IBA57: variants seen among roughly 807,000 people sequenced by gnomAD.
IBA57 encodes the protein iron-sulfur cluster assembly factor IBA57, mitochondrial.
A neutral mutation model predicts 20.4 loss-of-function variants in IBA57; 20 were observed. The observed-to-expected ratio is 0.98, with a 90% CI of 0.69 to 1.42. The LOEUF (loss-of-function observed/expected upper bound fraction) is 1.42, where lower values mean the gene tolerates loss of function less well. Among genes scored for constraint, IBA57 ranks in the 40% most tolerant of loss-of-function variants. The probability of loss-of-function intolerance (pLI) is 0.00; values close to 1 mark genes in which losing one functional copy is unlikely to be tolerated. For synonymous variants in IBA57, 310 were observed against 233.9 expected (o/e 1.33, Z -2.97); for missense variants, 608 against 499.3 (o/e 1.22, Z -2.07).
rs1416308622 is a variant in IBA57 at position 228,175,138 on chromosome 1, C to G, written c.696C>G (p.Val232=). 2 of 1,612,322 alleles carry G rather than the reference C, an allele frequency of 1.2e-6. No homozygotes were observed. Among genetic ancestry groups the G allele is most frequent in the African/African-American group, 2.7e-5 (2 of 74,874 alleles). The stretch of plus-strand genomic sequence containing the variant: ...TCCCTGCAGGCGTTCCTGAGGGGGT[C>G]CGAGACTTGCCTCCTGGGGTGGCCC... The part of the protein sequence containing the change: ...HRYLQGVPEG[V]RDLPPGVALP... The change falls in exon 3 of 3, where the codon GTC becomes GTG. Residue 232 remains valine (V), a synonymous_variant. Coordinates refer to ENST00000366711, the MANE Select transcript of IBA57 (RefSeq NM_001010867.4).
At position 228,166,118 on chromosome 1, in the gene IBA57, A is replaced by G; in HGVS notation, c.302A>G (p.Asn101Ser). The change falls in exon 1 of 3, where the codon AAC (asparagine) becomes AGC (serine). Residue 101 changes from asparagine to serine, a missense_variant. By Grantham distance (46) the Asn-to-Ser change is conservative. Transcript: ENST00000366711. ...AARAGYAHFL[N>S]VQGRTLYDVI... ...CGCGCGGGCTACGCCCACTTCCTGA[A>G]CGTGCAGGGCCGGACGCTCTATGAC... 6.5e-7 allele frequency: 1 copy of G among 1,538,856 alleles called. No individual in the cohort carries two copies. The highest frequency in any genetic ancestry group is 1.4e-5 in the African/African-American group (1 of 71,428).
Position 228,174,701 on chromosome 1 carries a change from A to T in IBA57, c.351A>T (p.Glu117Asp), listed in dbSNP as rs755922685. ...LYDVILYGLQ[E>D]HSEVSGFLLE... Reference sequence around the variant, plus strand: ...GCCTCTCTCCCTGCAGGCTCCAGGAACACTCGGAGGTGTCTGGCTTCCTTC... The same window carrying T: ...GCCTCTCTCCCTGCAGGCTCCAGGATCACTCGGAGGTGTCTGGCTTCCTTC... The change falls in exon 2 of 3, where the codon GAA becomes GAT. Residue 117 changes from glutamate to aspartate, a missense_variant. Glu to Asp is a conservative substitution (Grantham distance 45). Transcript: ENST00000366711. 4 of 1,563,986 alleles carry T rather than the reference A, an allele frequency of 2.6e-6. No individual in the cohort carries two copies. Among genetic ancestry groups the T allele is most frequent in the Admixed American group, 3.5e-5 (2 of 56,840 alleles).
intron 1 of IBA57, chr1:228,171,310 C>T (rs899639145): frequency 6.6e-5 from 10 of 152,166 alleles, no homozygotes; most frequent in East Asian, 1.9e-4. Flanking sequence ...CTCCCCAGGC[C>T]GGGGCTCTCC....
In IBA57 at chr1:228,175,815, C is replaced by T. The variant is rs946143372; in HGVS notation, c.*302C>T. On this transcript the variant is annotated 3_prime_UTR_variant, in exon 3 of 3. Transcript: ENST00000366711. ...CTCCACACAGGGTTGTCTGGGAGGACGGGACGGTGTCTCTGGCCAGCACTG... is the reference window on the plus strand; with the variant it reads ...CTCCACACAGGGTTGTCTGGGAGGATGGGACGGTGTCTCTGGCCAGCACTG... 9 of 291,444 alleles carry T rather than the reference C, an allele frequency of 3.1e-5. No homozygotes were observed. Among genetic ancestry groups the T allele is most frequent in the Admixed American group, 9.6e-5 (2 of 20,804 alleles). 18.1% of individuals were successfully genotyped at this position (291,444 alleles called of 1,614,324 possible).
chr1:228,176,433 GT>G lies in IBA57; in HGVS notation c.*925del, dbSNP rs1571920179. On this transcript the variant is annotated 3_prime_UTR_variant, in exon 3 of 3. Coordinates refer to ENST00000366711, the MANE Select transcript of IBA57 (RefSeq NM_001010867.4). ...TGGGGGAGAGGGAGGTGGGGGCTTA[GT>G]TTTTGTGATCTGGCTGACTGGACCC... is the stretch of plus-strand genomic sequence containing the variant. 1 of 153,380 alleles carries G rather than the reference GT, an allele frequency of 6.5e-6. No individual in the cohort carries two copies. Among genetic ancestry groups the G allele is most frequent in the African/African-American group, 2.4e-5 (1 of 41,600 alleles). 9.5% of individuals were successfully genotyped at this position (153,380 alleles called of 1,614,324 possible). A position where few individuals can be genotyped will look rare whatever the true frequency, so the allele number is the denominator to read the frequency against.
chr1:228,175,429 T>A lies in IBA57; in HGVS notation c.987T>A (p.Gly329=). The change falls in exon 3 of 3, where the codon GGT becomes GGA. Residue 329 remains glycine, a synonymous_variant. Transcript: ENST00000366711. ...TGCTGTGGTCAGAGAAGATCAAGGG[T>A]CCTCTGCACATCAGAGCCTCTGAGG... ...LALLWSEKIK[G]PLHIRASEGA... is the part of the protein sequence containing the mutation. 3 of 1,612,452 alleles carry A rather than the reference T, an allele frequency of 1.9e-6. No individual in the cohort carries two copies. The highest frequency in any genetic ancestry group is 1.7e-6 in the Non-Finnish European group (2 of 1,179,688).
In IBA57 at chr1:228,170,061, G is replaced by T. The variant is rs914968633; in HGVS notation, c.341+3904G>T. ...TTTGTATCTTTTTTTAGTAGAGACG[G>T]GGTTTCACCATGTTGGTCAGGCTGG... On this transcript the variant is annotated intron_variant, in intron 1 of 2. Transcript: ENST00000366711. This position sits in a 1 kb window ranked among gnomAD's most constrained non-coding sequence, Gnocchi z 4.8. Among the ~76,000 whole-genome samples the T allele has an allele frequency of 1.2e-4, 18 of 152,258 alleles. No homozygotes were observed. The South Asian group carries it at 2.9e-3, about 25-fold the overall frequency.
chr1:228,165,959 G>C lies in IBA57; in HGVS notation c.143G>C (p.Trp48Ser), dbSNP rs1419333963. 5.9e-6 allele frequency: 9 copies of C among 1,514,190 alleles called. No homozygotes were observed. The highest frequency in any genetic ancestry group is 7.9e-6 in the Non-Finnish European group (9 of 1,139,062). 93.8% of individuals were successfully genotyped at this position (1,514,190 alleles called of 1,614,324 possible). Reference sequence around the variant, plus strand: ...GGCGACCCAACGGCCGGAGCGGCCTGGGCCTGCTTCCGGCTGGACGGGCGC... The same window carrying C: ...GGCGACCCAACGGCCGGAGCGGCCTCGGCCTGCTTCCGGCTGGACGGGCGC... ...PGGDPTAGAAWACFRLDGRTL... is the reference protein window; with the variant it reads ...PGGDPTAGAASACFRLDGRTL... The change falls in exon 1 of 3, where the codon TGG (tryptophan) becomes TCG (serine). Residue 48 changes from tryptophan (W) to serine (S), a missense_variant. Physicochemically the swap from Trp to Ser is radical, Grantham distance 177. Transcript: ENST00000366711.
At position 228,166,131 on chromosome 1, in the gene IBA57, GA is replaced by G. The variant is rs757794637; in HGVS notation, c.316del (p.Thr106ArgfsTer145). The G allele has an allele frequency of 6.0e-5, 92 of 1,521,892 alleles. No homozygotes were observed. The highest frequency in any genetic ancestry group is 7.7e-5 in the Non-Finnish European group (87 of 1,136,310). 94.3% of individuals were successfully genotyped at this position (1,521,892 alleles called of 1,614,324 possible). ...CCCACTTCCTGAACGTGCAGGGCCG[GA>G]CGCTCTATGACGTCATCTTGTACGG... ...YAHFLNVQGRTLYDVILYGLQ... is the reference protein window; with the variant it reads ...YAHFLNVQGRXLYDVILYGLQ... On this transcript the variant is annotated frameshift_variant, in exon 1 of 3. Transcript: ENST00000366711. LOFTEE classifies it high-confidence loss of function.
Position 228,177,073 on chromosome 1 carries a change from T to C in IBA57, c.*1560T>C, listed in dbSNP as rs1456896382. ...CACTGGCTGCTGCTTTAAACTGGCA[T>C]GGAGACATTTGATCAGCTTCCCAGC... On this transcript the variant is annotated 3_prime_UTR_variant, in exon 3 of 3. Coordinates refer to ENST00000366711, the MANE Select transcript of IBA57 (RefSeq NM_001010867.4). The C allele has an allele frequency of 6.6e-6, 1 of 152,322 alleles. No individual in the cohort carries two copies. The highest frequency in any genetic ancestry group is 1.5e-5 in the Non-Finnish European group (1 of 68,124). 9.4% of individuals were successfully genotyped at this position (152,322 alleles called of 1,614,324 possible).
chr1:228,175,108 T>A lies in IBA57; in HGVS notation c.680-14T>A. 1 of 1,606,678 alleles carries A rather than the reference T, an allele frequency of 6.2e-7. No homozygotes were observed. The highest frequency in any genetic ancestry group is 8.5e-7 in the Non-Finnish European group (1 of 1,176,186). On this transcript the variant is annotated splice_polypyrimidine_tract_variant and intron_variant, in intron 2 of 2. Transcript: ENST00000366711. The stretch of plus-strand genomic sequence containing the variant: ...GTTCAATTCTCGCTGGTTTCCCCCC[T>A]CCAATCCCTGCAGGCGTTCCTGAGG...
rs2035041831 is a variant in IBA57, at chr1:228,177,306, G to C, written c.*1793G>C. On this transcript the variant is annotated 3_prime_UTR_variant, in exon 3 of 3. Transcript: ENST00000366711. ...GCAGCATCTGGGAGCATCCTAGCCT[G>C]TCCCGTGGGTGTGGCTGGGTGAGGG... 1 of 152,160 alleles carries C rather than the reference G, an allele frequency of 6.6e-6. No individual in the cohort carries two copies. The allele number at this position is 152,160 out of a possible 1,614,324, so 9.4% of individuals were successfully genotyped here.
In IBA57 at chr1:228,175,035, G is replaced by A. The variant is rs2034990343; in HGVS notation, c.679+6G>A. The A allele has an allele frequency of 6.4e-7, 1 of 1,557,876 alleles. No homozygotes were observed. The highest frequency in any genetic ancestry group is 1.4e-5 in the African/African-American group (1 of 73,842). Reference sequence around the variant, plus strand: ...CCAGCACCGATACCTGCAAGGTATGGGTGGGGTGGGCACGCTGGGCTGGAT... The same window carrying A: ...CCAGCACCGATACCTGCAAGGTATGAGTGGGGTGGGCACGCTGGGCTGGAT... On this transcript the variant is annotated splice_donor_region_variant and intron_variant, in intron 2 of 2. Transcript: ENST00000366711.
In IBA57 at chr1:228,175,239, C is replaced by T. The variant is rs201084496; in HGVS notation, c.797C>T (p.Thr266Met). 16 of 1,612,836 alleles carry T rather than the reference C, an allele frequency of 9.9e-6. No homozygotes were observed. The African/African-American group carries it at 1.1e-4, about 11-fold the overall frequency. The change falls in exon 3 of 3, where the codon ACG (threonine) becomes ATG (methionine). Residue 266 changes from threonine (T) to methionine (M), a missense_variant. Physicochemically the swap from Thr to Met is moderately conservative, Grantham distance 81 (BLOSUM62 -1). Transcript: ENST00000366711. ...GGCTGCTACATTGGCCAGGAGCTGA[C>T]GGCCCGCACCCACCACATGGGCGTC... ...TKGCYIGQEL[T>M]ARTHHMGVIR...
In IBA57 at chr1:228,175,166, C is replaced by A; in HGVS notation, c.724C>A (p.Pro242Thr). ...AGACTTGCCTCCTGGGGTGGCCCTG[C>A]CCCTGGAGTCCAACCTGGCCTTCAT... ...VRDLPPGVAL[P>T]LESNLAFMNG... The change falls in exon 3 of 3, where the codon CCC (proline) becomes ACC (threonine). Residue 242 changes from proline (P) to threonine (T), a missense_variant. Pro to Thr is a conservative substitution (Grantham distance 38, BLOSUM62 -1). Transcript: ENST00000366711. The A allele has an allele frequency of 6.2e-7, 1 of 1,612,960 alleles. No individual in the cohort carries two copies. Among genetic ancestry groups the A allele is most frequent in the East Asian group, 2.2e-5 (1 of 44,878 alleles).
rs2035087269 is a variant in IBA57, at chr1:228,180,196, G to A, written c.*4683G>A. 7.3e-6 allele frequency: 1 copy of A among 137,280 alleles called. No individual in the cohort carries two copies. The highest frequency in any genetic ancestry group is 2.4e-4 in the South Asian group (1 of 4,084). The allele number at this position is 137,280 out of a possible 1,614,324, so 8.5% of individuals were successfully genotyped here. A position where few individuals can be genotyped will look rare whatever the true frequency, so the allele number is the denominator to read the frequency against. On this transcript the variant is annotated 3_prime_UTR_variant, in exon 3 of 3. Transcript: ENST00000366711. ...AAAAAAAAAAAAAAGAGGGCTAAAC[G>A]CATTTTCATACCACGAAACTGCCCT...
chr1:228,165,864 C>A lies in IBA57; in HGVS notation c.48C>A (p.Gly16=). 1.5e-6 allele frequency: 2 copies of A among 1,313,698 alleles called. No individual in the cohort carries two copies. Among genetic ancestry groups the A allele is most frequent in the South Asian group, 2.2e-5 (1 of 45,006 alleles). The allele number at this position is 1,313,698 out of a possible 1,614,324, so 81.4% of individuals were successfully genotyped here. A position where few individuals can be genotyped will look rare whatever the true frequency, so the allele number is the denominator to read the frequency against. Residue 16 remains glycine (G), a synonymous_variant, in exon 1 of 3, where the codon GGC becomes GGA. Transcript: ENST00000366711. ...GAGGCGCCACTCCGGGGCGCGGCGG[C>A]CCGGTCTGGCGCTGGCGGCTGCGCG... The part of the protein sequence containing the change: ...LLRGATPGRG[G]PVWRWRLRAA...
Position 228,174,773 on chromosome 1 carries a change from G to T in IBA57, c.423G>T (p.Ala141=), listed in dbSNP as rs748184634. ...SVQGALQKHL[A]LYRIRRKVTV... ...AGGGCGCGCTGCAGAAGCACCTCGC[G>T]CTATACAGGATCCGGCGGAAGGTCA... The change falls in exon 2 of 3, where the codon GCG becomes GCT. Residue 141 remains alanine, a synonymous_variant. Coordinates refer to ENST00000366711, the MANE Select transcript of IBA57 (RefSeq NM_001010867.4). The T allele has an allele frequency of 4.3e-6, 7 of 1,610,452 alleles. No homozygotes were observed. The highest frequency in any genetic ancestry group is 2.7e-5 in the African/African-American group (2 of 75,022).
chr1:228,171,151 C>CCT (rs1375766293), intron 1 of IBA57: 2 of 152,194 alleles, frequency 1.3e-5, no homozygotes, highest in Non-Finnish European at 2.9e-5. Flanking sequence ...AACCAGGTAC[C>CCT]CTATATTTTC....
Sources: allele counts gnomAD v4.1 joint callset (sites outside exome capture counted in the v4.1 genomes callset), GRCh38; gene constraint gnomAD v4.1.1; non-coding constraint Gnocchi (gnomAD v3.1); transcripts MANE v1.5; gene names NCBI Gene and HGNC (gene_info 2026-07-23, HGNC 2026-07-21).